IL1RAPL1: variants seen among roughly 807,000 people sequenced by gnomAD.
IL1RAPL1 encodes the protein interleukin 1 receptor accessory protein like 1, also known as interleukin-1 receptor accessory protein-like 1.
IL1RAPL1 carries 3 observed loss-of-function variants against 48.4 expected under a neutral mutation model. The ratio of observed to expected loss-of-function variants is 0.06; its 90% CI spans 0.03 to 0.16. IL1RAPL1 has a LOEUF of 0.16. Ranked by LOEUF, IL1RAPL1 falls within the 10% of genes least tolerant of loss-of-function variation. IL1RAPL1 has a pLI of 1.00. For synonymous variants in IL1RAPL1, 185 were observed against 187.7 expected, an observed-to-expected ratio of 0.99 and a Z score of 0.12; for missense variants, 349 against 530.6, an observed-to-expected ratio of 0.66 and a Z score of 3.36.
chrX:29,508,605 A>G (rs1040245514), intron 5 of IL1RAPL1, among the ~76,000 whole-genome samples: 1 of 112,049 alleles, frequency 8.9e-6, no homozygotes, highest in Admixed American at 9.4e-5. Flanking sequence ...GACATCCAGG[A>G]TCATTTACAA....
chrX:29,408,207 A>G (rs931790746), intron 5 of IL1RAPL1, among the ~76,000 whole-genome samples: 38 of 111,690 alleles, frequency 3.4e-4, no homozygotes, highest in South Asian at 1.5e-3. Context: ...AATATTAGTA[A>G]TGATACATAT....
intron 1 of IL1RAPL1, among the ~76,000 whole-genome samples, chrX:28,781,232 T>C (rs1235786713): frequency 9.0e-6 from 1 of 110,542 alleles, no homozygotes; most frequent in Non-Finnish European, 1.9e-5. Flanking sequence ...TTAGGTCTTA[T>C]CTGAGACTTG....
chrX:29,313,425 CT>C (rs766862277), intron 3 of IL1RAPL1, among the ~76,000 whole-genome samples: 101 of 111,789 alleles, frequency 9.0e-4, no homozygotes, highest in Non-Finnish European at 8.6e-4. Context: ...AAATGTAAAT[CT>C]CATTAAGCCC....
At chrX:28,614,832 C>T (rs1934193185) in intron 1 of IL1RAPL1, among the ~76,000 whole-genome samples, 1 of 111,788 alleles carries the variant, frequency 8.9e-6, no homozygotes, top group Non-Finnish European at 1.9e-5. Flanking sequence ...GCTTGTGTTA[C>T]AGTTCACATC....
At chrX:28,876,820 G>A (rs1246980697) in intron 2 of IL1RAPL1, among the ~76,000 whole-genome samples, 3 of 110,178 alleles carry the variant, frequency 2.7e-5, no homozygotes, top group Non-Finnish European at 5.7e-5. Flanking sequence ...TACAAGATTT[G>A]TGTTAATTAT....
chrX:28,778,785 T>C (rs1936386721), intron 1 of IL1RAPL1, among the ~76,000 whole-genome samples: 1 of 111,705 alleles, frequency 9.0e-6, no homozygotes, highest in Non-Finnish European at 1.9e-5. Flanking sequence ...AATTTAAGTT[T>C]GGAATTATTA....
chrX:28,766,722 T>C (rs915173377), intron 1 of IL1RAPL1, among the ~76,000 whole-genome samples: 4 of 110,835 alleles, frequency 3.6e-5, no homozygotes, highest in African/African-American at 6.6e-5. Context: ...TAACCATCCT[T>C]CTACTCTCCA....
intron 9 of IL1RAPL1, among the ~76,000 whole-genome samples, chrX:29,950,825 C>T (rs1031827014): frequency 9.1e-6 from 1 of 109,872 alleles, no homozygotes; most frequent in Non-Finnish European, 1.9e-5. Context: ...TACAGGCGCC[C>T]GCAACCACGC....
chrX:28,616,988 A>G (rs1399607527), intron 1 of IL1RAPL1, among the ~76,000 whole-genome samples: 1 of 112,349 alleles, frequency 8.9e-6, no homozygotes, highest in African/African-American at 3.2e-5. Flanking sequence ...TTTGTTTTTC[A>G]TATCTTGGCT....
intron 2 of IL1RAPL1, among the ~76,000 whole-genome samples, chrX:29,016,700 A>G (rs1388346079): frequency 1.8e-5 from 2 of 111,538 alleles, no homozygotes; most frequent in Admixed American, 1.9e-4. Flanking sequence ...GTAGGTTTCT[A>G]TAGTATCAGT....
chrX:29,158,910 T>TTCTTTTC (rs1555969872), intron 2 of IL1RAPL1, among the ~76,000 whole-genome samples: 1,664 of 84,433 alleles, frequency 0.02, 45 homozygotes, highest in African/African-American at 0.032. Context: ...TTCTTTTCTT[T>TTCTTTTC]TCTCTCTCTC....
intron 2 of IL1RAPL1, among the ~76,000 whole-genome samples, chrX:29,126,711 A>G (rs1928906642): frequency 8.9e-6 from 1 of 112,446 alleles, no homozygotes; most frequent in Non-Finnish European, 1.9e-5. Context: ...TTGTCTTACT[A>G]CATCAGTCAC....
chrX:29,005,401 AAT>A (rs1337396049), intron 2 of IL1RAPL1, among the ~76,000 whole-genome samples: 1 of 112,023 alleles, frequency 8.9e-6, no homozygotes, highest in Non-Finnish European at 1.9e-5. Flanking sequence ...ATTAGCATAG[AAT>A]ATATGAGATT....
chrX:28,939,477 A>G (rs1192154374), intron 2 of IL1RAPL1, among the ~76,000 whole-genome samples: 1 of 110,920 alleles, frequency 9.0e-6, no homozygotes, highest in African/African-American at 3.3e-5. Flanking sequence ...TGAGAGTTAA[A>G]TGATGAGAAC....
intron 5 of IL1RAPL1, among the ~76,000 whole-genome samples, chrX:29,666,096 TAA>T (rs1232026606): frequency 4.5e-5 from 5 of 111,359 alleles, no homozygotes; most frequent in Non-Finnish European, 9.4e-5. Context: ...AGTTTTTTTT[TAA>T]GTTATTAATA....
chrX:29,371,549 G>T (rs1435944604), intron 3 of IL1RAPL1, among the ~76,000 whole-genome samples: 1 of 111,681 alleles, frequency 9.0e-6, no homozygotes, highest in African/African-American at 3.3e-5. Flanking sequence ...CCAGGTAAGT[G>T]AGCATAGTAC....
At chrX:29,182,181 G>C (rs912389167) in intron 2 of IL1RAPL1, among the ~76,000 whole-genome samples, 2 of 110,895 alleles carry the variant, frequency 1.8e-5, no homozygotes, top group African/African-American at 6.6e-5. Context: ...CTGATAGCCA[G>C]TGATTTAATC....
intron 2 of IL1RAPL1, among the ~76,000 whole-genome samples, chrX:28,798,923 T>A (rs1469283699): frequency 8.9e-6 from 1 of 111,919 alleles, no homozygotes; most frequent in Non-Finnish European, 1.9e-5. Context: ...AAGAACATTT[T>A]AAGATTAATC....
At chrX:29,397,006 TTTAAAC>T (rs758450616) in intron 4 of IL1RAPL1, among the ~76,000 whole-genome samples, 2 of 112,213 alleles carry the variant, frequency 1.8e-5, no homozygotes, top group African/African-American at 6.5e-5. Context: ...CAGTTGAAAC[TTTAAAC>T]TTAAACAGAA....
Sources: gnomAD v4.1 joint callset for allele counts (sites outside exome capture counted in the v4.1 genomes callset) on GRCh38, gnomAD v4.1.1 for gene constraint, MANE v1.5 for transcripts, NCBI Gene and HGNC (gene_info 2026-07-23, HGNC 2026-07-21) for gene names.